DAAM2: variants seen among roughly 807,000 people sequenced by gnomAD.
The protein encoded by DAAM2 is dishevelled associated activator of morphogenesis 2.
Under a neutral mutation model 120.7 loss-of-function variants are expected in DAAM2, and 39 were observed. The observed-to-expected ratio is 0.32, with a 90% confidence interval of 0.25 to 0.42. The LOEUF is 0.42. DAAM2 is among the 10% of genes least tolerant of loss of function. The pLI, the probability that DAAM2 is intolerant of heterozygous loss-of-function variation, is 1.00. For synonymous variants in DAAM2, 488 were observed against 524.9 expected (o/e 0.93, Z 0.96); for missense variants, 1,283 against 1,401.7 (o/e 0.92, Z 1.35).
chr6:39,884,093 T>C (rs1347510762), intron 15 of DAAM2, 24 bp downstream of exon 15: 2 of 1,282,462 alleles, frequency 1.6e-6, no homozygotes, highest in Admixed American at 3.6e-5. Flanking sequence ...CCCTCTGGCC[T>C]CTTGGACCAT....
chr6:39,879,302 C>A lies in DAAM2; in HGVS notation c.1670C>A (p.Pro557Gln). 1.3e-6 allele frequency: 2 copies of A among 1,524,634 alleles called. No homozygotes were observed. The highest frequency in any genetic ancestry group is 1.2e-5 in the South Asian group (1 of 84,856). The allele number at this position is 1,524,634 out of a possible 1,614,324, so 94.4% of individuals were successfully genotyped here. A position where few individuals can be genotyped will look rare whatever the true frequency, so the allele number is the denominator to read the frequency against. The part of the protein sequence containing the change: ...LPFACCPPPP[P>Q]PPLPPGGPPT... ...TTTGCCTGTTGTCCCCCTCCCCCAC[C>A]ACCACCCCTTCCTCCCGGGGGACCC... Residue 557 changes from proline (P) to glutamine (Q), a missense_variant, in exon 14 of 25, where the codon CCA becomes CAA. Coordinates refer to ENST00000274867, the MANE Select transcript of DAAM2 (RefSeq NM_001201427.2).
At chr6:39,862,805 C>CAAAAAAAAAAAAAAAA (rs60238956) in intron 3 of DAAM2, 1 of 50,634 alleles carries the variant, frequency 2.0e-5, no homozygotes. Flanking sequence ...AACTCCATCT[C>CAAAAAAAAAAAAAAAA]AAAAAAAAAA....
chr6:39,818,204 A>C (rs74866366), intron 1 of DAAM2, among the ~76,000 whole-genome samples: 2,297 of 146,278 alleles, frequency 0.016, 62 homozygotes, highest in African/African-American at 0.052. Flanking sequence ...AAAAAAAAAA[A>C]AACTTCACAG....
At chr6:39,893,172 C>T (rs1330145860) in intron 19 of DAAM2, among the ~76,000 whole-genome samples, 1 of 152,230 alleles carries the variant, frequency 6.6e-6, no homozygotes, top group African/African-American at 2.4e-5. Context: ...GTAGCTTAGC[C>T]ATCAGAAAGG....
intron 1 of DAAM2, among the ~76,000 whole-genome samples, chr6:39,828,470 C>G (rs367848861): frequency 6.6e-6 from 1 of 152,172 alleles, no homozygotes; most frequent in Non-Finnish European, 1.5e-5. Context: ...TGTCTGTGTT[C>G]CTTTCCTTCC....
chr6:39,878,062 T>C lies in DAAM2; in HGVS notation c.1302-141T>C, dbSNP rs541170565. On this transcript the variant is annotated intron_variant, in intron 11 of 24. Transcript: ENST00000274867. This position sits in a 1 kb window ranked among gnomAD's most constrained non-coding sequence, Gnocchi z 5.0. ...GGGACCTGGAGAGACACCTGGGAAGTCTAAATCCTAGCCCCCTTGATGTGG... is the reference window on the plus strand; with the variant it reads ...GGGACCTGGAGAGACACCTGGGAAGCCTAAATCCTAGCCCCCTTGATGTGG... The C allele has an allele frequency of 1.1e-4, 86 of 796,934 alleles. No homozygotes were observed. The African/African-American group carries it at 1.1e-3, about 10-fold the overall frequency. 49.4% of individuals were successfully genotyped at this position (796,934 alleles called of 1,614,324 possible).
At chr6:39,828,568 G>GTATTTTTTTT in intron 1 of DAAM2, among the ~76,000 whole-genome samples, 1 of 106,888 alleles carries the variant, frequency 9.4e-6, no homozygotes, top group Non-Finnish European at 1.9e-5. Context: ...ACCCCCCTCC[G>GTATTTTTTTT]TCTTTTTTTT....
intron 1 of DAAM2, among the ~76,000 whole-genome samples, chr6:39,830,061 AC>A (rs1311859381): frequency 6.6e-6 from 1 of 151,494 alleles, no homozygotes; most frequent in Non-Finnish European, 1.5e-5. Flanking sequence ...TCACATTTGT[AC>A]CCCCTTTCCG....
chr6:39,831,974 G>T (rs1416325413), intron 1 of DAAM2, among the ~76,000 whole-genome samples: 1 of 121,454 alleles, frequency 8.2e-6, no homozygotes, highest in African/African-American at 3.2e-5. Flanking sequence ...TGGGGGGGTA[G>T]GTGCACTGGG....
intron 3 of DAAM2, chr6:39,861,254 A>C (rs1764200548): frequency 1.8e-6 from 1 of 568,922 alleles, no homozygotes; most frequent in Admixed American, 2.3e-5. Flanking sequence ...GCTGCATCCC[A>C]GGACTGGGGC....
chr6:39,807,302 G>A (rs1762037617), intron 1 of DAAM2, among the ~76,000 whole-genome samples: 1 of 151,990 alleles, frequency 6.6e-6, no homozygotes, highest in African/African-American at 2.4e-5. Flanking sequence ...GGATGCCATT[G>A]CTAGTAAGTT....
intron 8 of DAAM2, among the ~76,000 whole-genome samples, chr6:39,871,114 T>G (rs2149314909): frequency 6.6e-6 from 1 of 152,192 alleles, no homozygotes; most frequent in East Asian, 1.9e-4. Flanking sequence ...CATTGGGCGA[T>G]GCCTGCAGAC....
chr6:39,831,629 G>A (rs1762893380), intron 1 of DAAM2, among the ~76,000 whole-genome samples: 1 of 151,034 alleles, frequency 6.6e-6, no homozygotes, highest in Non-Finnish European at 1.5e-5. Flanking sequence ...GGGCCACAAA[G>A]ACAGTAAATG....
intron 1 of DAAM2, among the ~76,000 whole-genome samples, chr6:39,794,758 A>G (rs1349966310): frequency 4.6e-5 from 7 of 152,238 alleles, no homozygotes; most frequent in Non-Finnish European, 1.0e-4. Context: ...AAGGGTAAGT[A>G]CAGGCAGTAG....
At chr6:39,896,735 G>T in intron 19 of DAAM2, 77 bp from the exon 20 acceptor site, 1 of 1,312,848 alleles carries the variant, frequency 7.6e-7, no homozygotes, top group Non-Finnish European at 1.0e-6. Flanking sequence ...CTTTGCGGTG[G>T]CATCTTCCTG....
intron 1 of DAAM2, among the ~76,000 whole-genome samples, chr6:39,853,401 T>G (rs1763885174): frequency 6.6e-6 from 1 of 152,168 alleles, no homozygotes; most frequent in Non-Finnish European, 1.5e-5. Context: ...CAGCCCCCTG[T>G]ATGCACGAGG....
intron 17 of DAAM2, among the ~76,000 whole-genome samples, chr6:39,889,994 G>A (rs757027910): frequency 6.6e-6 from 1 of 152,018 alleles, no homozygotes; most frequent in Non-Finnish European, 1.5e-5. Flanking sequence ...CAGGTGTGAT[G>A]GTGCATGCCT....
At chr6:39,899,688 G>A (rs144976555) in intron 22 of DAAM2, 4 of 175,296 alleles carry the variant, frequency 2.3e-5, no homozygotes, top group African/African-American at 7.1e-5. Context: ...ACATGGACCA[G>A]CAGCTTCTGA....
rs760053303 is a variant in DAAM2 at position 39,888,734 on chromosome 6, G to C, written c.2116G>C (p.Glu706Gln). 2.5e-6 allele frequency: 4 copies of C among 1,613,202 alleles called. No homozygotes were observed. The highest frequency in any genetic ancestry group is 3.4e-6 in the Non-Finnish European group (4 of 1,179,502). ...RQAILKMDEQEDLAKDMLEQL... is the reference protein window; with the variant it reads ...RQAILKMDEQQDLAKDMLEQL... ...GGCCATCTTGAAGATGGATGAGCAG[G>C]AGGACCTTGCTAAGGACATGCTGGA... Residue 706 changes from glutamate to glutamine, a missense_variant, in exon 17 of 25, where the codon GAG (glutamate) becomes CAG (glutamine). Physicochemically the swap from Glu to Gln is conservative, Grantham distance 29. Coordinates refer to ENST00000274867, the MANE Select transcript of DAAM2 (RefSeq NM_001201427.2).
Sources: gnomAD v4.1 joint callset for allele counts (sites outside exome capture counted in the v4.1 genomes callset) on GRCh38, gnomAD v4.1.1 for gene constraint, Gnocchi (gnomAD v3.1) non-coding constraint, MANE v1.5 for transcripts, NCBI Gene and HGNC (gene_info 2026-07-23, HGNC 2026-07-21) for gene names.